The following ZNF367 variants were observed in gnomAD, a reference collection of about 807,000 sequenced individuals.
ZNF367 encodes zinc finger protein 367, also known as C2H2 zinc finger protein ZFF29.
ZNF367 carries 11 observed loss-of-function variants against 31.8 expected under a neutral mutation model. The observed-to-expected ratio is 0.35, with a 90% CI of 0.22 to 0.57. The LOEUF (loss-of-function observed/expected upper bound fraction) is 0.57, where lower values mean the gene tolerates loss of function less well. ZNF367 is among the 20% of genes least tolerant of loss of function. The probability of loss-of-function intolerance (pLI) is 0.85; values close to 1 mark genes in which losing one functional copy is unlikely to be tolerated. For missense variants in ZNF367, 353 were observed against 484.1 expected (o/e 0.73, Z 2.54); for synonymous variants, 199 against 202.4 (o/e 0.98, Z 0.14).
At chr9:96,393,771 C>T (rs770914601) in intron 3 of ZNF367, among the ~76,000 whole-genome samples, 3 of 152,140 alleles carry the variant, frequency 2.0e-5, no homozygotes, top group Non-Finnish European at 4.4e-5. Flanking sequence ...GCGGAGGTTG[C>T]GGTGAGCTGA....
intron 2 of ZNF367, among the ~76,000 whole-genome samples, chr9:96,395,327 G>A (rs999875892): frequency 2.0e-5 from 3 of 152,078 alleles, no homozygotes; most frequent in Admixed American, 6.5e-5. Context: ...CCTCCTGGCC[G>A]GCCTCTTGTT....
At chr9:96,415,213 C>G (rs1192457084) in intron 1 of ZNF367, among the ~76,000 whole-genome samples, 4 of 148,902 alleles carry the variant, frequency 2.7e-5, no homozygotes, top group Non-Finnish European at 5.9e-5. Context: ...AGCCACCACC[C>G]CTGGCCAATT....
Position 96,392,539 on chromosome 9 carries a change from T to C in ZNF367, c.692-3A>G. The C allele has an allele frequency of 6.3e-7, 1 of 1,599,322 alleles. No homozygotes were observed. The highest frequency in any genetic ancestry group is 8.6e-7 in the Non-Finnish European group (1 of 1,168,114). On this transcript the variant is annotated splice_polypyrimidine_tract_variant and splice_region_variant and intron_variant, in intron 3 of 4. Transcript: ENST00000375256. Reference sequence around the variant, plus strand: ...ATGGGTGAATCTGCTCAGGCAGCCTTCAAAACACAAGGTTAACACCTGTCA... The same window carrying C: ...ATGGGTGAATCTGCTCAGGCAGCCTCCAAAACACAAGGTTAACACCTGTCA...
chr9:96,400,620 A>G (rs149019626), intron 1 of ZNF367, among the ~76,000 whole-genome samples: 1 of 152,256 alleles, frequency 6.6e-6, no homozygotes, highest in Non-Finnish European at 1.5e-5. Context: ...GCCAACTTGA[A>G]GATAGGTCAG....
chr9:96,417,995 G>T lies in ZNF367; in HGVS notation c.38C>A (p.Pro13Gln). 1 of 1,424,348 alleles carries T rather than the reference G, an allele frequency of 7.0e-7. No individual in the cohort carries two copies. Among genetic ancestry groups the T allele is most frequent in the Non-Finnish European group, 9.1e-7 (1 of 1,097,098 alleles). 88.2% of individuals were successfully genotyped at this position (1,424,348 alleles called of 1,614,324 possible). ...GATGACGGGCGGCGGCGGCGGCGGC[G>T]GGTTCTCCGCCATGGGCGCCTCGAA... is the stretch of plus-strand genomic sequence containing the variant. ...RGFEAPMAEN[P>Q]PPPPPPVIFC... Residue 13 changes from proline (P) to glutamine (Q), a missense_variant, in exon 1 of 5, where the codon CCG becomes CAG. Around this residue, in one of 5 missense-constraint regions of ZNF367, gnomAD observed 94 missense variants for 86.7 expected, o/e 1.08. Coordinates refer to ENST00000375256, the MANE Select transcript of ZNF367 (RefSeq NM_153695.4). The surrounding 1 kb of genome is among the most constrained non-coding windows in gnomAD (Gnocchi z 5.0).
chr9:96,413,054 T>A (rs904699548), intron 1 of ZNF367, among the ~76,000 whole-genome samples: 1 of 152,086 alleles, frequency 6.6e-6, no homozygotes, highest in African/African-American at 2.4e-5. Flanking sequence ...AAAACAAAAA[T>A]AAACCCCTGA....
chr9:96,405,537 G>GT (rs1199585860), intron 1 of ZNF367, among the ~76,000 whole-genome samples: 8 of 151,978 alleles, frequency 5.3e-5, no homozygotes, highest in African/African-American at 1.5e-4. Flanking sequence ...CTGTGGAAAA[G>GT]TTTGATAGTT....
intron 1 of ZNF367, chr9:96,407,237 A>G (rs1332343732): frequency 8.8e-6 from 9 of 1,019,926 alleles, no homozygotes; most frequent in South Asian, 1.4e-5. Flanking sequence ...AATTGAGAGC[A>G]TTTTCGCACC....
At chr9:96,399,221 A>G (rs902313844) in intron 1 of ZNF367, among the ~76,000 whole-genome samples, 1 of 152,090 alleles carries the variant, frequency 6.6e-6, no homozygotes. Flanking sequence ...CAAGCAGGAA[A>G]TGAGGCTACA....
intron 1 of ZNF367, among the ~76,000 whole-genome samples, chr9:96,403,287 C>T (rs538078268): frequency 3.3e-5 from 5 of 151,950 alleles, no homozygotes; most frequent in Admixed American, 6.6e-5. Context: ...CTTAAATAGC[C>T]GATGGGTCAA....
At chr9:96,416,660 C>T (rs1372174241) in intron 1 of ZNF367, among the ~76,000 whole-genome samples, 2 of 152,190 alleles carry the variant, frequency 1.3e-5, no homozygotes, top group African/African-American at 4.8e-5. Flanking sequence ...TCTTATACAG[C>T]CACTTAACAA....
chr9:96,388,842 G>T (rs757560930), intron 4 of ZNF367, among the ~76,000 whole-genome samples: 10 of 152,302 alleles, frequency 6.6e-5, no homozygotes, highest in Non-Finnish European at 1.5e-4. Context: ...TTCTGACAGC[G>T]TTAACGCTGT....
Position 96,417,853 on chromosome 9 carries a change from G to T in ZNF367, c.180C>A (p.Ser60Arg). 1 of 1,513,876 alleles carries T rather than the reference G, an allele frequency of 6.6e-7. No homozygotes were observed. 93.8% of individuals were successfully genotyped at this position (1,513,876 alleles called of 1,614,324 possible). A position where few individuals can be genotyped will look rare whatever the true frequency, so the allele number is the denominator to read the frequency against. The change falls in exon 1 of 5, where the codon AGC becomes AGA. Residue 60 changes from serine (S) to arginine (R), a missense_variant. By Grantham distance (110) the Ser-to-Arg change is moderately radical (BLOSUM62 -1). This residue lies in a region of ZNF367 where 31 missense variants were observed against 58.4 expected (regional missense o/e 0.53). Coordinates refer to ENST00000375256, the MANE Select transcript of ZNF367 (RefSeq NM_153695.4). This position sits in a 1 kb window ranked among gnomAD's most constrained non-coding sequence, Gnocchi z 5.0. Reference sequence around the variant, plus strand: ...ACACCATGAAGTCGCTGAAGCCGGGGCTGGTGGGGATGAGCGGCGGCGGCG... The same window carrying T: ...ACACCATGAAGTCGCTGAAGCCGGGTCTGGTGGGGATGAGCGGCGGCGGCG... ...PEPPPPLIPT[S>R]PGFSDFMVYP... is the part of the protein sequence containing the mutation.
At chr9:96,402,120 G>A (rs1413920020) in intron 1 of ZNF367, among the ~76,000 whole-genome samples, 4 of 151,462 alleles carry the variant, frequency 2.6e-5, no homozygotes, top group African/African-American at 9.7e-5. Flanking sequence ...GCTGGGCATG[G>A]TGGCACGCGC....
At chr9:96,393,452 C>T (rs1752459540) in intron 3 of ZNF367, among the ~76,000 whole-genome samples, 1 of 151,978 alleles carries the variant, frequency 6.6e-6, no homozygotes, top group Admixed American at 6.6e-5. Flanking sequence ...ACTCAGGAGG[C>T]GAAGGTTTCA....
At chr9:96,389,259 C>T (rs1393215539) in intron 4 of ZNF367, among the ~76,000 whole-genome samples, 2 of 150,158 alleles carry the variant, frequency 1.3e-5, no homozygotes, top group Non-Finnish European at 2.9e-5. Flanking sequence ...GAAGTCGGGC[C>T]GCTGCACTCC....
chr9:96,403,410 G>A (rs972448006), intron 1 of ZNF367, among the ~76,000 whole-genome samples: 11 of 152,126 alleles, frequency 7.2e-5, no homozygotes, highest in African/African-American at 2.7e-4. Flanking sequence ...AAATTGATAA[G>A]ATAGCAATGC....
intron 2 of ZNF367, among the ~76,000 whole-genome samples, chr9:96,397,255 T>TG (rs1831544102): frequency 6.6e-6 from 1 of 152,004 alleles, no homozygotes; most frequent in Non-Finnish European, 1.5e-5. Flanking sequence ...AACTATTAGA[T>TG]GAACTATAAG....
rs1017093305 is a variant in ZNF367 at position 96,417,415 on chromosome 9, G to C, written c.420+198C>G. 5.0e-5 allele frequency among the ~76,000 whole-genome samples: 7 copies of C among 140,804 alleles called. No homozygotes were observed. The highest frequency in any genetic ancestry group is 9.1e-5 in the Non-Finnish European group (6 of 65,996). 92.4% of individuals were successfully genotyped at this position (140,804 alleles called of 152,430 possible). A position where few individuals can be genotyped will look rare whatever the true frequency, so the allele number is the denominator to read the frequency against. ...TGCCGCAAGGACGGTCTCCCGCGCC[G>C]CTCCCGCCTGTCACGTGACAGGCCC... is the stretch of plus-strand genomic sequence containing the variant. On this transcript the variant is annotated intron_variant, in intron 1 of 4. Transcript: ENST00000375256. This position sits in a 1 kb window ranked among gnomAD's most constrained non-coding sequence, Gnocchi z 5.0.
Sources: gnomAD v4.1 joint callset for allele counts (sites outside exome capture counted in the v4.1 genomes callset) on GRCh38, gnomAD v4.1.1 for gene constraint, gnomAD v4.1.1 regional missense constraint, Gnocchi (gnomAD v3.1) non-coding constraint, MANE v1.5 for transcripts, NCBI Gene and HGNC (gene_info 2026-07-23, HGNC 2026-07-21) for gene names.